GRB10: variants seen among roughly 807,000 people sequenced by gnomAD.
GRB10 encodes growth factor receptor-bound protein 10.
In GRB10, 20 loss-of-function variants were observed where a neutral mutation model predicts 80.9. That is an observed-to-expected ratio of 0.25 (90% CI 0.17 to 0.36). The LOEUF is 0.36. Ranked by LOEUF, GRB10 falls within the 10% of genes least tolerant of loss-of-function variation. GRB10 has a pLI of 1.00. For missense variants in GRB10, 548 were observed against 747.7 expected, an observed-to-expected ratio of 0.73 and a Z score of 3.12; for synonymous variants, 291 against 291.5, an observed-to-expected ratio of 1.00 and a Z score of 0.02.
chr7:50,650,102 G>A (rs185611614), intron 7 of GRB10, among the ~76,000 whole-genome samples: 4 of 152,262 alleles, frequency 2.6e-5, no homozygotes, highest in Admixed American at 2.6e-4. Flanking sequence ...AAGCAGCCTG[G>A]CAGAGCAGGA....
intron 7 of GRB10, among the ~76,000 whole-genome samples, chr7:50,659,906 T>C (rs1157227204): frequency 1.3e-5 from 2 of 152,210 alleles, no homozygotes; most frequent in African/African-American, 2.4e-5. Context: ...CGTACTGAAA[T>C]GCATTTCTGT....
intron 7 of GRB10, among the ~76,000 whole-genome samples, chr7:50,663,223 G>A (rs1214518507): frequency 2.6e-5 from 4 of 152,102 alleles, no homozygotes. Context: ...GGGACCCCAG[G>A]CAGCCCCCTC....
At chr7:50,654,127 C>T (rs1314912726) in intron 7 of GRB10, among the ~76,000 whole-genome samples, 3 of 152,150 alleles carry the variant, frequency 2.0e-5, no homozygotes, top group Admixed American at 6.5e-5. Flanking sequence ...GTGTGTTCTG[C>T]CAACAGAATT....
intron 5 of GRB10, among the ~76,000 whole-genome samples, chr7:50,698,826 C>T (rs2063775945): frequency 6.6e-6 from 1 of 152,234 alleles, no homozygotes; most frequent in African/African-American, 2.4e-5. Context: ...TTTCAAGTCA[C>T]ATGTGACAAA....
rs1051135232 is a variant in GRB10 at position 50,590,886 on chromosome 7, G to T, written c.*2066C>A. The T allele has an allele frequency of 1.3e-5, 2 of 152,150 alleles. No homozygotes were observed. The highest frequency in any genetic ancestry group is 4.8e-5 in the African/African-American group (2 of 41,416). The allele number at this position is 152,150 out of a possible 1,614,324, so 9.4% of individuals were successfully genotyped here. A position where few individuals can be genotyped will look rare whatever the true frequency, so the allele number is the denominator to read the frequency against. ...GCTTTTGTTCTCCTTTTAAATAAACGCATATTTATAAATATGAAATACTGC... is the reference window on the plus strand; with the variant it reads ...GCTTTTGTTCTCCTTTTAAATAAACTCATATTTATAAATATGAAATACTGC... On this transcript the variant is annotated 3_prime_UTR_variant, in exon 19 of 19. Coordinates refer to ENST00000401949, the MANE Select transcript of GRB10 (RefSeq NM_001350814.2).
intron 7 of GRB10, among the ~76,000 whole-genome samples, chr7:50,646,308 C>G (rs990948975): frequency 3.3e-5 from 5 of 152,262 alleles, no homozygotes; most frequent in South Asian, 2.1e-4. Context: ...GTAAATCTAT[C>G]ACGGTACCTC....
intron 17 of GRB10, among the ~76,000 whole-genome samples, chr7:50,603,144 G>T (rs890700169): frequency 3.3e-5 from 5 of 152,198 alleles, no homozygotes; most frequent in Non-Finnish European, 5.9e-5. Context: ...TTCAGACCCC[G>T]TATGGGACAG....
intron 7 of GRB10, among the ~76,000 whole-genome samples, chr7:50,627,754 A>G (rs986248539): frequency 3.9e-5 from 6 of 152,184 alleles, no homozygotes; most frequent in Non-Finnish European, 8.8e-5. Context: ...TGTTTAACAA[A>G]TCCTTACCTC....
intron 7 of GRB10, among the ~76,000 whole-genome samples, chr7:50,639,885 T>A (rs888090966): frequency 6.6e-6 from 1 of 152,242 alleles, no homozygotes; most frequent in African/African-American, 2.4e-5. Flanking sequence ...TGGATATGCA[T>A]AGCCTGTTAT....
chr7:50,691,053 T>C (rs1327201231), intron 5 of GRB10, among the ~76,000 whole-genome samples: 1 of 152,184 alleles, frequency 6.6e-6, no homozygotes, highest in Admixed American at 6.5e-5. Flanking sequence ...TTTTTGTTCC[T>C]ATCTTCCTTA....
intron 7 of GRB10, among the ~76,000 whole-genome samples, chr7:50,661,316 T>G (rs1231169372): frequency 6.6e-6 from 1 of 152,224 alleles, no homozygotes; most frequent in Non-Finnish European, 1.5e-5. Context: ...AAAATTAATT[T>G]TTAAAATTAA....
Position 50,614,853 on chromosome 7 carries a change from C to T in GRB10, c.1012G>A (p.Asp338Asn), listed in dbSNP as rs201248632. ...GAGAAGATGTTGCTGTCCTCCAGGTCGGCCAGCAGCTGCAGGTGTCTGGGT... is the reference window on the plus strand; with the variant it reads ...GAGAAGATGTTGCTGTCCTCCAGGTTGGCCAGCAGCTGCAGGTGTCTGGGT... ...KEPRHLQLLADLEDSNIFSLI... is the reference protein window; with the variant it reads ...KEPRHLQLLANLEDSNIFSLI... The change falls in exon 12 of 19, where the codon GAC becomes AAC. Residue 338 changes from aspartate (D) to asparagine (N), a missense_variant. Physicochemically the swap from Asp to Asn is conservative, Grantham distance 23. This residue lies in a region of GRB10 where 270 missense variants were observed against 433.6 expected (regional missense o/e 0.62). Transcript: ENST00000401949. 7 of 1,613,762 alleles carry T rather than the reference C, an allele frequency of 4.3e-6. No homozygotes were observed. Among genetic ancestry groups the T allele is most frequent in the African/African-American group, 2.7e-5 (2 of 75,004 alleles).
At chr7:50,623,092 G>C in intron 8 of GRB10, among the ~76,000 whole-genome samples, 1 of 152,194 alleles carries the variant, frequency 6.6e-6, no homozygotes, top group Non-Finnish European at 1.5e-5. Context: ...CCATGCTCGG[G>C]GCAGAAGGGA....
At position 50,645,831 on chromosome 7, in the gene GRB10, G is replaced by A. The variant is rs149329298; in HGVS notation, c.505-18853C>T. 5.9e-3 allele frequency among the ~76,000 whole-genome samples: 892 copies of A among 152,270 alleles called. 10 individuals carry two copies. The highest frequency in any genetic ancestry group is 0.019 in the African/African-American group (808 of 41,562). ...ACTGTCACCAGAGCCCCAGTGGTGC[G>A]AGGCCCTAGGCAGTGAGAAGAATTG... On this transcript the variant is annotated intron_variant, in intron 7 of 18. Transcript: ENST00000401949.
intron 2 of GRB10, among the ~76,000 whole-genome samples, chr7:50,773,081 G>C (rs773730066): frequency 1.3e-5 from 2 of 151,926 alleles, no homozygotes; most frequent in South Asian, 2.1e-4. Context: ...GAAGGTGAAA[G>C]GCATGTCTCA....
At chr7:50,648,747 AGGT>A (rs2057600267) in intron 7 of GRB10, among the ~76,000 whole-genome samples, 1 of 152,176 alleles carries the variant, frequency 6.6e-6, no homozygotes, top group African/African-American at 2.4e-5. Context: ...GAGGTCATCA[AGGT>A]CACTGAGACA....
intron 14 of GRB10, 75 bp from the exon 15 acceptor site, chr7:50,605,481 C>A: frequency 8.3e-7 from 1 of 1,200,020 alleles, no homozygotes; most frequent in South Asian, 1.2e-5. Context: ...AAACTATCAT[C>A]AAGACGGTCA....
intron 7 of GRB10, among the ~76,000 whole-genome samples, chr7:50,644,033 C>G (rs1392260903): frequency 5.9e-5 from 9 of 152,176 alleles, no homozygotes; most frequent in Non-Finnish European, 8.8e-5. Flanking sequence ...AACGATCACC[C>G]CAGAACATGA....
In GRB10 at chr7:50,592,461, C is replaced by T. The variant is rs1225038461; in HGVS notation, c.*491G>A. 5.6e-6 allele frequency: 1 copy of T among 177,904 alleles called. No individual in the cohort carries two copies. Among genetic ancestry groups the T allele is most frequent in the African/African-American group, 2.4e-5 (1 of 42,004 alleles). The allele number at this position is 177,904 out of a possible 1,614,324, so 11.0% of individuals were successfully genotyped here. On this transcript the variant is annotated 3_prime_UTR_variant, in exon 19 of 19. Transcript: ENST00000401949. ...GACCCATATTCAGTTTGAAATCTGC[C>T]CATTCAAAACTCTTTCTGTATTATA...
Sources: allele counts gnomAD v4.1 joint callset (sites outside exome capture counted in the v4.1 genomes callset), GRCh38; gene constraint gnomAD v4.1.1; regional missense constraint gnomAD v4.1.1; transcripts MANE v1.5; gene names NCBI Gene and HGNC (gene_info 2026-07-23, HGNC 2026-07-21).